Variants in SAMTOR observed in about 807,000 individuals in gnomAD.
The protein encoded by SAMTOR is UPF0532 protein C7orf60.
the SAMTOR span, among the ~76,000 whole-genome samples, chr7:112,929,618 G>C: frequency 6.6e-6 from 1 of 152,008 alleles, no homozygotes; most frequent in Non-Finnish European, 1.5e-5. Flanking sequence ...ATGTCAAAGA[G>C]ATATCTGCAA....
the SAMTOR span, among the ~76,000 whole-genome samples, chr7:112,846,386 A>C: frequency 1.3e-5 from 2 of 152,088 alleles, no homozygotes; most frequent in Non-Finnish European, 2.9e-5. Flanking sequence ...GGGAGGAGGA[A>C]GAAGATCAGA....
chr7:112,837,338 G>A, the SAMTOR span, among the ~76,000 whole-genome samples: 2 of 151,970 alleles, frequency 1.3e-5, no homozygotes, highest in Non-Finnish European at 1.5e-5. Context: ...GCTTTTAGCA[G>A]AGACTATGGG....
chr7:112,832,111 A>C, the SAMTOR span, among the ~76,000 whole-genome samples: 1 of 151,572 alleles, frequency 6.6e-6, no homozygotes, highest in Non-Finnish European at 1.5e-5. Flanking sequence ...TCCCGGGTTC[A>C]AGCGATTCTC....
the SAMTOR span, among the ~76,000 whole-genome samples, chr7:112,867,847 A>G: frequency 6.6e-6 from 1 of 152,200 alleles, no homozygotes; most frequent in Non-Finnish European, 1.5e-5. Flanking sequence ...TGGGCTGCAA[A>G]CTGGTATTGG....
the SAMTOR span, among the ~76,000 whole-genome samples, chr7:112,897,631 A>G: frequency 2.0e-5 from 3 of 152,218 alleles, no homozygotes; most frequent in Non-Finnish European, 4.4e-5. Context: ...ATGGCATAAC[A>G]AGGAAATAAA....
the SAMTOR span, among the ~76,000 whole-genome samples, chr7:112,824,235 T>TC: frequency 6.6e-6 from 1 of 152,222 alleles, no homozygotes; most frequent in African/African-American, 2.4e-5. Context: ...CAAAGTCAGG[T>TC]CTAAAAAGTC....
chr7:112,891,021 T>A, the SAMTOR span, among the ~76,000 whole-genome samples: 1 of 152,242 alleles, frequency 6.6e-6, no homozygotes, highest in South Asian at 2.1e-4. Flanking sequence ...AAGGAAATCA[T>A]GCTTAAAGAA....
chr7:112,907,294 A>G, the SAMTOR span, among the ~76,000 whole-genome samples: 1 of 152,218 alleles, frequency 6.6e-6, no homozygotes, highest in Non-Finnish European at 1.5e-5. Context: ...TAGAAAAAAA[A>G]TTAGATCAAT....
At chr7:112,929,110 T>C in the SAMTOR span, among the ~76,000 whole-genome samples, 1 of 151,816 alleles carries the variant, frequency 6.6e-6, no homozygotes, top group South Asian at 2.1e-4. Flanking sequence ...TTTTAAAACA[T>C]ACAAAGCACA....
At chr7:112,821,290 A>G in the SAMTOR span, 4 of 152,730 alleles carry the variant, frequency 2.6e-5, no homozygotes, top group South Asian at 4.1e-4. Context: ...AAAGAAAAAG[A>G]TAAGTGCATC....
At chr7:112,906,947 A>C in the SAMTOR span, among the ~76,000 whole-genome samples, 6 of 152,330 alleles carry the variant, frequency 3.9e-5, no homozygotes, top group Admixed American at 3.9e-4. Flanking sequence ...AAATTAATGT[A>C]ATCTCAATAA....
chr7:112,866,707 T>C, the SAMTOR span, among the ~76,000 whole-genome samples: 14 of 152,338 alleles, frequency 9.2e-5, no homozygotes, highest in African/African-American at 3.4e-4. Context: ...ATAAACTTCA[T>C]GGTAGAAGGT....
the SAMTOR span, among the ~76,000 whole-genome samples, chr7:112,909,388 T>A: frequency 2.0e-5 from 3 of 152,194 alleles, no homozygotes; most frequent in Non-Finnish European, 2.9e-5. Flanking sequence ...TTTGAGTATA[T>A]CTTTTTATAA....
chr7:112,841,179 A>G, the SAMTOR span, among the ~76,000 whole-genome samples: 2 of 152,128 alleles, frequency 1.3e-5, no homozygotes, highest in East Asian at 3.9e-4. Flanking sequence ...TATTTAGAAA[A>G]CCCCATCGTC....
At chr7:112,850,549 G>A in the SAMTOR span, among the ~76,000 whole-genome samples, 1 of 152,146 alleles carries the variant, frequency 6.6e-6, no homozygotes, top group African/African-American at 2.4e-5. Flanking sequence ...ATTTTGTTGG[G>A]AGAGTTTTTA....
the SAMTOR span, among the ~76,000 whole-genome samples, chr7:112,913,105 T>C: frequency 0.023 from 3,441 of 152,226 alleles, 66 homozygotes; most frequent in Admixed American, 0.042. Flanking sequence ...AGGGAGAAAA[T>C]GTATATTCTG....
At chr7:112,939,817 G>T in the SAMTOR span, 1 of 1,311,642 alleles carries the variant, frequency 7.6e-7, no homozygotes, top group African/African-American at 1.5e-5. Context: ...GGAGGAGGTG[G>T]GGTAGGAGGA....
At chr7:112,852,680 T>C in the SAMTOR span, among the ~76,000 whole-genome samples, 7 of 152,262 alleles carry the variant, frequency 4.6e-5, no homozygotes, top group African/African-American at 1.7e-4. Context: ...ATTCTAGTTT[T>C]TCTATATCAA....
the SAMTOR span, among the ~76,000 whole-genome samples, chr7:112,892,782 A>AAT: frequency 6.6e-6 from 1 of 151,572 alleles, no homozygotes; most frequent in Non-Finnish European, 1.5e-5. Context: ...AAAAAAAAAA[A>AAT]AATAATAATA....
Sources: allele counts gnomAD v4.1 joint callset (sites outside exome capture counted in the v4.1 genomes callset), GRCh38; gene constraint gnomAD v4.1.1; transcripts MANE v1.5; gene names NCBI Gene and HGNC (gene_info 2026-07-23, HGNC 2026-07-21).